COL6A6: variants seen among roughly 807,000 people sequenced by gnomAD.
COL6A6 encodes the protein collagen alpha-6(VI) chain.
A neutral mutation model predicts 208.6 loss-of-function variants in COL6A6; 183 were observed. The observed-to-expected ratio is 0.88, with a 90% confidence interval of 0.78 to 0.99. The LOEUF (loss-of-function observed/expected upper bound fraction) is 0.99, where lower values mean the gene tolerates loss of function less well. Ranked by LOEUF, COL6A6 falls within the 50% of genes least tolerant of loss-of-function variation. The pLI is 0.00. For missense variants in COL6A6, 2,816 were observed against 2,815.2 expected, an observed-to-expected ratio of 1.00 and a Z score of -0.01; for synonymous variants, 973 against 1,011.8, an observed-to-expected ratio of 0.96 and a Z score of 0.73.
chr3:130,611,095 C>G (rs2064344762), intron 23 of COL6A6, among the ~76,000 whole-genome samples: 1 of 152,134 alleles, frequency 6.6e-6, no homozygotes, highest in Non-Finnish European at 1.5e-5. Flanking sequence ...ATTCCACCAC[C>G]TAGAACCTTC....
intron 1 of COL6A6, among the ~76,000 whole-genome samples, chr3:130,531,080 TC>T (rs2062082967): frequency 6.6e-6 from 1 of 150,898 alleles, no homozygotes; most frequent in Non-Finnish European, 1.5e-5. Flanking sequence ...TCTCTCTCTC[TC>T]TCTCTCTCTG....
rs1249834310 is a variant in COL6A6, at chr3:130,641,526, CTAAAA to C, written c.5092-120_5092-116del. 1.3e-4 allele frequency: 60 copies of C among 468,368 alleles called. No homozygotes were observed. The East Asian group carries it at 2.0e-3, about 16-fold the overall frequency. 29.0% of individuals were successfully genotyped at this position (468,368 alleles called of 1,614,324 possible). A position where few individuals can be genotyped will look rare whatever the true frequency, so the allele number is the denominator to read the frequency against. ...TGTTTTTTGGAAAACTCTCAATTTT[CTAAAA>C]TAAAAGTGAAATTTTCACTTTTGAA... On this transcript the variant is annotated intron_variant, in intron 28 of 36. Transcript: ENST00000358511.
At chr3:130,574,675 T>C (rs1421826417) in intron 8 of COL6A6, 150 bp downstream of exon 8, 1 of 685,614 alleles carries the variant, frequency 1.5e-6, no homozygotes, top group East Asian at 2.7e-5. Flanking sequence ...TATTAAATAT[T>C]TGTCTTGACC....
chr3:130,543,394 G>C (rs1355608111), intron 1 of COL6A6, among the ~76,000 whole-genome samples: 4 of 152,010 alleles, frequency 2.6e-5, no homozygotes, highest in Admixed American at 2.0e-4. Context: ...GTTTCTATTC[G>C]ATGCCCTTTT....
At chr3:130,543,107 T>C (rs1196891782) in intron 1 of COL6A6, among the ~76,000 whole-genome samples, 1 of 152,138 alleles carries the variant, frequency 6.6e-6, no homozygotes, top group Non-Finnish European at 1.5e-5. Flanking sequence ...GGTTTCACCA[T>C]GTTGGCCAGG....
chr3:130,608,795 A>AAT, intron 21 of COL6A6, 107 bp from the exon 22 acceptor site: 1 of 228,176 alleles, frequency 4.4e-6, no homozygotes. Flanking sequence ...TTTTTTGCAA[A>AAT]GATCCTGCAT....
chr3:130,569,849 G>T (rs2063118110), intron 6 of COL6A6, among the ~76,000 whole-genome samples: 2 of 152,180 alleles, frequency 1.3e-5, no homozygotes, highest in Admixed American at 1.3e-4. Flanking sequence ...AGTTAGTGGG[G>T]ATAAGTACAA....
intron 18 of COL6A6, among the ~76,000 whole-genome samples, chr3:130,595,947 C>A (rs1668833338): frequency 6.6e-6 from 1 of 152,162 alleles, no homozygotes; most frequent in African/African-American, 2.4e-5. Context: ...ATTACACACT[C>A]ATCAGAATGG....
chr3:130,545,015 T>C (rs1462505774), intron 1 of COL6A6, among the ~76,000 whole-genome samples: 1 of 152,236 alleles, frequency 6.6e-6, no homozygotes, highest in East Asian at 1.9e-4. Flanking sequence ...AACATTTTAG[T>C]TTGATGTATG....
intron 1 of COL6A6, among the ~76,000 whole-genome samples, chr3:130,541,031 A>G (rs896536833): frequency 2.0e-5 from 3 of 152,080 alleles, no homozygotes; most frequent in Non-Finnish European, 4.4e-5. Flanking sequence ...CAGTAATGGG[A>G]TTGCTGGGTC....
chr3:130,616,730 T>C (rs2064539670), intron 23 of COL6A6, among the ~76,000 whole-genome samples: 1 of 152,110 alleles, frequency 6.6e-6, no homozygotes, highest in Non-Finnish European at 1.5e-5. Flanking sequence ...AGAATTTCTG[T>C]TTTTGTCTTT....
At chr3:130,625,150 G>A (rs2108288484) in intron 24 of COL6A6, among the ~76,000 whole-genome samples, 1 of 152,266 alleles carries the variant, frequency 6.6e-6, no homozygotes, top group Non-Finnish European at 1.5e-5. Flanking sequence ...TGTGGCTGTG[G>A]TCCCCACAGC....
At chr3:130,587,423 G>A (rs112844629) in intron 11 of COL6A6, among the ~76,000 whole-genome samples, 1 of 152,068 alleles carries the variant, frequency 6.6e-6, no homozygotes, top group Admixed American at 6.5e-5. Flanking sequence ...CACCATGCCC[G>A]GCTAATTTTT....
chr3:130,650,988 A>G (rs149393703), intron 33 of COL6A6, among the ~76,000 whole-genome samples: 86 of 152,318 alleles, frequency 5.6e-4, no homozygotes, highest in Admixed American at 1.8e-3. Flanking sequence ...ATTTTCTGTG[A>G]AAGTGTTGAA....
At chr3:130,659,567 A>G (rs970619309) in intron 34 of COL6A6, among the ~76,000 whole-genome samples, 2 of 152,228 alleles carry the variant, frequency 1.3e-5, no homozygotes, top group Non-Finnish European at 2.9e-5. Flanking sequence ...AGTCTTTAAA[A>G]TCACCCTAAA....
chr3:130,605,713 C>T (rs2064161172), intron 20 of COL6A6, among the ~76,000 whole-genome samples: 1 of 152,132 alleles, frequency 6.6e-6, no homozygotes, highest in South Asian at 2.1e-4. Flanking sequence ...CATTTTCACG[C>T]TTCTGAGAAA....
intron 1 of COL6A6, among the ~76,000 whole-genome samples, chr3:130,548,980 G>A (rs915442319): frequency 7.9e-5 from 12 of 152,134 alleles, no homozygotes; most frequent in Admixed American, 1.3e-4. Context: ...AGGATGGCAC[G>A]ATGACCTCCA....
chr3:130,663,787 G>A lies in COL6A6; in HGVS notation c.6503-1216G>A, dbSNP rs950185132. ...AAAAAAGTACTTAGGGTACATGAGA[G>A]ATACATAAAGTGCTTTGGGAAAATT... On this transcript the variant is annotated intron_variant, in intron 35 of 36. Coordinates refer to ENST00000358511, the MANE Select transcript of COL6A6 (RefSeq NM_001102608.3). Among the ~76,000 whole-genome samples the A allele has an allele frequency of 1.2e-4, 19 of 152,280 alleles. 1 individual carries two copies. In the East Asian group the frequency reaches 3.7e-3, roughly 29 times the overall value.
chr3:130,524,539 T>A (rs1449353117), intron 1 of COL6A6, among the ~76,000 whole-genome samples: 1 of 152,048 alleles, frequency 6.6e-6, no homozygotes, highest in South Asian at 2.1e-4. Flanking sequence ...TCCCACCTCA[T>A]TTTCTTGGAT....
Sources: gnomAD v4.1 joint callset for allele counts (sites outside exome capture counted in the v4.1 genomes callset) on GRCh38, gnomAD v4.1.1 for gene constraint, MANE v1.5 for transcripts, NCBI Gene and HGNC (gene_info 2026-07-23, HGNC 2026-07-21) for gene names.